TRIO: variants seen among roughly 807,000 people sequenced by gnomAD.
TRIO encodes triple functional domain protein.
TRIO carries 58 observed loss-of-function variants against 351.9 expected under a neutral mutation model. That is an observed-to-expected ratio of 0.16 (90% CI 0.13 to 0.21). The LOEUF (loss-of-function observed/expected upper bound fraction) is 0.21. Among genes scored for constraint, TRIO ranks in the 10% least tolerant of loss-of-function variants. The probability of loss-of-function intolerance (pLI) is 1.00; values close to 1 mark genes in which losing one functional copy is unlikely to be tolerated. For synonymous variants in TRIO, 1,758 were observed against 1,595.7 expected, an observed-to-expected ratio of 1.10 and a Z score of -2.42; for missense variants, 3,201 against 4,027.8, an observed-to-expected ratio of 0.79 and a Z score of 5.56.
chr5:14,410,304 G>A (rs556782711), intron 33 of TRIO, among the ~76,000 whole-genome samples: 23 of 152,204 alleles, frequency 1.5e-4, no homozygotes, highest in African/African-American at 5.3e-4. Flanking sequence ...CTTATGTGAC[G>A]TTTTCTCTTA....
chr5:14,447,598 T>A (rs1183348995), intron 34 of TRIO, among the ~76,000 whole-genome samples: 2 of 152,208 alleles, frequency 1.3e-5, no homozygotes, highest in African/African-American at 4.8e-5. Context: ...AAGACATGTT[T>A]CAACTTTTTA....
chr5:14,395,956 G>A (rs903146644), intron 28 of TRIO, among the ~76,000 whole-genome samples: 1 of 147,938 alleles, frequency 6.8e-6, no homozygotes, highest in African/African-American at 2.5e-5. Context: ...TGAGGCAGGA[G>A]AATGGCATGA....
intron 1 of TRIO, among the ~76,000 whole-genome samples, chr5:14,192,465 G>A (rs1337922773): frequency 6.6e-6 from 1 of 152,092 alleles, no homozygotes; most frequent in East Asian, 1.9e-4. Flanking sequence ...GTAGAGACAA[G>A]GTCTCACTAT....
At position 14,497,025 on chromosome 5, in the gene TRIO, C is replaced by G; in HGVS notation, c.8019+8C>G. The G allele has an allele frequency of 6.2e-7, 1 of 1,613,826 alleles. No individual in the cohort carries two copies. The highest frequency in any genetic ancestry group is 8.5e-7 in the Non-Finnish European group (1 of 1,179,854). ...AACAAGGTATCTGTGAAGGTGTGTT[C>G]GGGGGTCTTCAGGAGTCCGTGTCAT... On this transcript the variant is annotated splice_region_variant and intron_variant, in intron 50 of 56. Coordinates refer to ENST00000344204, the MANE Select transcript of TRIO (RefSeq NM_007118.4). This position sits in a 1 kb window ranked among gnomAD's most constrained non-coding sequence, Gnocchi z 4.4.
At chr5:14,323,030 A>T (rs937445162) in intron 9 of TRIO, among the ~76,000 whole-genome samples, 1 of 152,158 alleles carries the variant, frequency 6.6e-6, no homozygotes, top group Non-Finnish European at 1.5e-5. Context: ...CACAGCCAGG[A>T]TGGAGCTGCA....
intron 33 of TRIO, among the ~76,000 whole-genome samples, chr5:14,412,670 T>C (rs973846466): frequency 2.0e-5 from 3 of 152,188 alleles, no homozygotes; most frequent in Admixed American, 6.5e-5. Flanking sequence ...GGACCTCAGA[T>C]AAGTTTGCCC....
intron 2 of TRIO, among the ~76,000 whole-genome samples, chr5:14,277,234 G>A (rs147058811): frequency 2.1e-3 from 313 of 152,298 alleles, no homozygotes; most frequent in African/African-American, 7.2e-3. Flanking sequence ...TTTCCTAGAA[G>A]GTAAGAAGTG....
Position 14,425,927 on chromosome 5 carries a change from T to C in TRIO, c.5203+5906T>C, listed in dbSNP as rs547465459. ...TTATCCAGTTTAAGGTATTTTATTA[T>C]AGCAGCAGGAATGGACTAAGACATA... On this transcript the variant is annotated intron_variant, in intron 34 of 56. Coordinates refer to ENST00000344204, the MANE Select transcript of TRIO (RefSeq NM_007118.4). Among the ~76,000 whole-genome samples the C allele has an allele frequency of 2.0e-5, 3 of 152,350 alleles. No homozygotes were observed. In the East Asian group the frequency reaches 5.8e-4, roughly 29 times the overall value.
intron 34 of TRIO, among the ~76,000 whole-genome samples, chr5:14,449,250 C>G (rs1369253604): frequency 1.3e-5 from 2 of 152,222 alleles, no homozygotes; most frequent in Non-Finnish European, 2.9e-5. Flanking sequence ...GCAGGCAGAA[C>G]AGACTGCTTC....
intron 1 of TRIO, among the ~76,000 whole-genome samples, chr5:14,154,284 G>A (rs1787983868): frequency 6.6e-6 from 1 of 152,112 alleles, no homozygotes; most frequent in Non-Finnish European, 1.5e-5. Flanking sequence ...TGCTGTGTGT[G>A]ACACATTAGA....
rs866716391 is a variant in TRIO at position 14,409,560 on chromosome 5, C to T, written c.4959+2888C>T. ...AAATCCCTGAAGGGTCGGCTGAGCA[C>T]GCGGTGGCTCACGCCTGTAATCCCA... On this transcript the variant is annotated intron_variant, in intron 33 of 56. Coordinates refer to ENST00000344204, the MANE Select transcript of TRIO (RefSeq NM_007118.4). Among the ~76,000 whole-genome samples the T allele has an allele frequency of 5.9e-5, 9 of 151,678 alleles. 1 individual carries two copies. The South Asian group carries it at 1.3e-3, about 21-fold the overall frequency.
chr5:14,332,978 G>T (rs979720180), intron 10 of TRIO, among the ~76,000 whole-genome samples: 2 of 152,144 alleles, frequency 1.3e-5, no homozygotes, highest in African/African-American at 2.4e-5. Flanking sequence ...AGCCAAATGC[G>T]CCTGCGACTT....
chr5:14,281,546 C>T (rs928253972), intron 3 of TRIO, among the ~76,000 whole-genome samples: 10 of 151,562 alleles, frequency 6.6e-5, no homozygotes, highest in Non-Finnish European at 5.9e-5. Context: ...ATTAATATCT[C>T]CATTTAATTG....
intron 1 of TRIO, among the ~76,000 whole-genome samples, chr5:14,177,411 CATG>C (rs963966967): frequency 6.6e-5 from 10 of 152,154 alleles, no homozygotes; most frequent in Non-Finnish European, 1.5e-4. Flanking sequence ...GTGTGAATTT[CATG>C]ATAATTCTTG....
intron 49 of TRIO, 130 bp from the exon 50 acceptor site, chr5:14,496,749 A>T: frequency 8.3e-7 from 1 of 1,201,614 alleles, no homozygotes; most frequent in Non-Finnish European, 1.1e-6. Context: ...CAGAGGTCAC[A>T]GTTCGTAGAG....
intron 1 of TRIO, among the ~76,000 whole-genome samples, chr5:14,177,575 GAAC>G (rs765466272): frequency 6.6e-6 from 1 of 152,158 alleles, no homozygotes; most frequent in East Asian, 1.9e-4. Flanking sequence ...GGAAATTTAA[GAAC>G]AACAACAACA....
At chr5:14,410,454 C>T (rs778752572) in intron 33 of TRIO, among the ~76,000 whole-genome samples, 4 of 152,178 alleles carry the variant, frequency 2.6e-5, no homozygotes, top group Non-Finnish European at 5.9e-5. Context: ...TAGGCTTAAC[C>T]AGCAACCCCA....
intron 41 of TRIO, among the ~76,000 whole-genome samples, chr5:14,478,225 T>G (rs1351750873): frequency 6.6e-6 from 1 of 152,244 alleles, no homozygotes; most frequent in East Asian, 1.9e-4. Flanking sequence ...GTATACTCCC[T>G]GGTTGAGTTT....
At chr5:14,376,318 C>A (rs555515475) in intron 19 of TRIO, among the ~76,000 whole-genome samples, 1 of 152,136 alleles carries the variant, frequency 6.6e-6, no homozygotes, top group Non-Finnish European at 1.5e-5. Flanking sequence ...TCATAAACTT[C>A]TAGAGCAAAA....
Sources: gnomAD v4.1 joint callset for allele counts (sites outside exome capture counted in the v4.1 genomes callset) on GRCh38, gnomAD v4.1.1 for gene constraint, Gnocchi (gnomAD v3.1) non-coding constraint, MANE v1.5 for transcripts, NCBI Gene and HGNC (gene_info 2026-07-23, HGNC 2026-07-21) for gene names.